Variants in TSC22D1 observed in about 807,000 individuals in gnomAD.
TSC22D1 encodes the protein TSC22 domain family member 1, also known as TSC22 domain family protein 1.
Under a neutral mutation model 74.2 loss-of-function variants are expected in TSC22D1, and 9 were observed. The observed-to-expected ratio is 0.12, with a 90% confidence interval of 0.07 to 0.21. The LOEUF is 0.21. Among genes scored for constraint, TSC22D1 ranks in the 10% least tolerant of loss-of-function variants. The probability of loss-of-function intolerance (pLI) is 1.00; values close to 1 mark genes in which losing one functional copy is unlikely to be tolerated. For missense variants in TSC22D1, 1,427 were observed against 1,304.7 expected (o/e 1.09, Z -1.44); for synonymous variants, 586 against 492.5 (o/e 1.19, Z -2.51).
intron 1 of TSC22D1, among the ~76,000 whole-genome samples, chr13:44,456,112 A>AC (rs1419917175): frequency 2.0e-5 from 3 of 152,202 alleles, no homozygotes; most frequent in Admixed American, 6.5e-5. Context: ...TCGCTGACTT[A>AC]AAGAATAAAG....
intron 1 of TSC22D1, chr13:44,537,050 A>G: frequency 1.0e-6 from 1 of 963,946 alleles, no homozygotes; most frequent in Non-Finnish European, 1.2e-6. Context: ...ATACTGTTGC[A>G]GTTTTCACTT....
Position 44,434,350 on chromosome 13 carries a change from T to G in TSC22D1, c.*276A>C. ...AGGCACACAGCTCCTGAGCATGAAT[T>G]AAACCATTTCTCAGATATCTGCCAA... On this transcript the variant is annotated 3_prime_UTR_variant, in exon 3 of 3. Transcript: ENST00000458659. The G allele has an allele frequency of 7.3e-7, 1 of 1,374,154 alleles. No homozygotes were observed. The highest frequency in any genetic ancestry group is 1.9e-5 in the South Asian group (1 of 53,588). 85.1% of individuals were successfully genotyped at this position (1,374,154 alleles called of 1,614,324 possible).
chr13:44,453,677 AG>A (rs1346146855), intron 1 of TSC22D1, among the ~76,000 whole-genome samples: 1 of 152,204 alleles, frequency 6.6e-6, no homozygotes, highest in Non-Finnish European at 1.5e-5. Flanking sequence ...GGCTATTTCT[AG>A]ACACCCCAGA....
At chr13:44,551,627 G>A (rs1327189338) in intron 1 of TSC22D1, among the ~76,000 whole-genome samples, 1 of 152,140 alleles carries the variant, frequency 6.6e-6, no homozygotes, top group Non-Finnish European at 1.5e-5. Flanking sequence ...CACCATGTTG[G>A]GCAGGCTGGT....
At position 44,432,756 on chromosome 13, in the gene TSC22D1, G is replaced by A. The variant is rs1595069990; in HGVS notation, c.*1870C>T. Reference sequence around the variant, plus strand: ...ACTTGGGATTGGTCCAATTCCTACTGGGCAGGGGGCCACTGCTGAGGCCCT... The same window carrying A: ...ACTTGGGATTGGTCCAATTCCTACTAGGCAGGGGGCCACTGCTGAGGCCCT... On this transcript the variant is annotated 3_prime_UTR_variant, in exon 3 of 3. Coordinates refer to ENST00000458659, the MANE Select transcript of TSC22D1 (RefSeq NM_183422.4). The A allele has an allele frequency of 6.6e-6, 1 of 152,180 alleles. No individual in the cohort carries two copies. The highest frequency in any genetic ancestry group is 1.5e-5 in the Non-Finnish European group (1 of 68,052). 9.4% of individuals were successfully genotyped at this position (152,180 alleles called of 1,614,324 possible).
intron 1 of TSC22D1, among the ~76,000 whole-genome samples, chr13:44,481,363 G>A (rs1164040920): frequency 6.6e-6 from 1 of 152,186 alleles, no homozygotes; most frequent in Non-Finnish European, 1.5e-5. Flanking sequence ...CAGGTAACTG[G>A]TGAGGGGTGG....
intron 1 of TSC22D1, among the ~76,000 whole-genome samples, chr13:44,440,033 C>T (rs1408123038): frequency 2.0e-5 from 3 of 152,142 alleles, no homozygotes; most frequent in Admixed American, 2.0e-4. Context: ...TAAGGACTCC[C>T]ACGTCACCTC....
intron 1 of TSC22D1, chr13:44,538,658 C>T: frequency 1.0e-6 from 1 of 985,320 alleles, no homozygotes; most frequent in Non-Finnish European, 1.2e-6. Context: ...ATTATTTGGG[C>T]CTTTCCATTT....
chr13:44,517,792 T>C (rs1431130290), intron 1 of TSC22D1, among the ~76,000 whole-genome samples: 2 of 127,116 alleles, frequency 1.6e-5, no homozygotes, highest in African/African-American at 5.8e-5. Context: ...TATATATACA[T>C]ATATATACAC....
At chr13:44,486,238 A>G (rs970899720) in intron 1 of TSC22D1, among the ~76,000 whole-genome samples, 2 of 152,120 alleles carry the variant, frequency 1.3e-5, no homozygotes, top group Non-Finnish European at 2.9e-5. Context: ...CCACTATATG[A>G]TATTTACAAG....
chr13:44,526,288 A>C (rs1443151525), intron 1 of TSC22D1, among the ~76,000 whole-genome samples: 2 of 152,192 alleles, frequency 1.3e-5, no homozygotes, highest in Non-Finnish European at 2.9e-5. Context: ...GAAAAAGTAG[A>C]GAACATGTTA....
rs77747018 is a variant in TSC22D1, at chr13:44,575,363, G to T, written c.712C>A (p.His238Asn). Residue 238 changes from histidine (H) to asparagine (N), a missense_variant, in exon 1 of 3, where the codon CAT becomes AAT. Physicochemically the swap from His to Asn is moderately conservative, Grantham distance 68. This residue lies in a region of TSC22D1 where 1,343 missense variants were observed against 1,191.5 expected (regional missense o/e 1.13). Coordinates refer to ENST00000458659, the MANE Select transcript of TSC22D1 (RefSeq NM_183422.4). ...HGHHLQHGHH[H>N]PSHVAVASAS... Reference sequence around the variant, plus strand: ...CTGGCCACAGCAACATGAGATGGATGGTGGTGACCATGTTGGAGGTGGTGC... The same window carrying T: ...CTGGCCACAGCAACATGAGATGGATTGTGGTGACCATGTTGGAGGTGGTGC... 6.2e-7 allele frequency: 1 copy of T among 1,614,168 alleles called. No individual in the cohort carries two copies. The highest frequency in any genetic ancestry group is 8.5e-7 in the Non-Finnish European group (1 of 1,180,016).
Position 44,574,360 on chromosome 13 carries a change from C to T in TSC22D1, c.1715G>A (p.Ser572Asn), listed in dbSNP as rs570565004. 6.2e-7 allele frequency: 1 copy of T among 1,614,248 alleles called. No homozygotes were observed. The highest frequency in any genetic ancestry group is 2.2e-5 in the East Asian group (1 of 44,892). Residue 572 changes from serine to asparagine, a missense_variant, in exon 1 of 3, where the codon AGT becomes AAT. Ser to Asn is a conservative substitution (Grantham distance 46). Coordinates refer to ENST00000458659, the MANE Select transcript of TSC22D1 (RefSeq NM_183422.4). ...CGATGGCTGGATACCAGTTGCAGCA[C>T]TCATAGTGGCTTGCAGAGGTACTGG... The part of the protein sequence containing the change: ...LQPVPLQATM[S>N]AATGIQPSPV...
chr13:44,466,200 C>T (rs368419660), intron 1 of TSC22D1, among the ~76,000 whole-genome samples: 1 of 152,064 alleles, frequency 6.6e-6, no homozygotes, highest in South Asian at 2.1e-4. Flanking sequence ...CTAGGATTTA[C>T]GATCCTCAAG....
chr13:44,437,020 C>CGTGGG (rs1295238817), intron 1 of TSC22D1: 7 of 977,422 alleles, frequency 7.2e-6, no homozygotes, highest in Admixed American at 6.1e-5. Flanking sequence ...AGATCCCGCT[C>CGTGGG]GTGGGGTGGG....
In TSC22D1 at chr13:44,574,126, T is replaced by C. The variant is rs1314138077; in HGVS notation, c.1949A>G (p.Gln650Arg). The C allele has an allele frequency of 6.2e-7, 1 of 1,614,246 alleles. No homozygotes were observed. Among genetic ancestry groups the C allele is most frequent in the Non-Finnish European group, 8.5e-7 (1 of 1,180,010 alleles). Residue 650 changes from glutamine (Q) to arginine (R), a missense_variant, in exon 1 of 3, where the codon CAA becomes CGA. Physicochemically the swap from Gln to Arg is conservative, Grantham distance 43. Transcript: ENST00000458659. ...MAPGHVKSVT[Q>R]NPASEYVQQQ... ...TTGTACATACTCTGAAGCAGGATTT[T>C]GAGTCACTGATTTGACATGGCCTGG...
At chr13:44,521,099 C>T (rs1277807148) in intron 1 of TSC22D1, among the ~76,000 whole-genome samples, 2 of 152,088 alleles carry the variant, frequency 1.3e-5, no homozygotes, top group Admixed American at 6.6e-5. Flanking sequence ...AAGCTCAGTG[C>T]GCTAAAAGAC....
At chr13:44,436,146 C>CG in intron 1 of TSC22D1, 51 bp from the exon 2 acceptor site, 1 of 1,583,144 alleles carries the variant, frequency 6.3e-7, no homozygotes, top group Non-Finnish European at 8.6e-7. Flanking sequence ...TTATCTTAAG[C>CG]TTCCAAGATA....
At chr13:44,567,773 G>C (rs1883480232) in intron 1 of TSC22D1, among the ~76,000 whole-genome samples, 1 of 151,990 alleles carries the variant, frequency 6.6e-6, no homozygotes, top group Non-Finnish European at 1.5e-5. Flanking sequence ...AAAATAGAAA[G>C]ACATAATCAA....
Sources: allele counts gnomAD v4.1 joint callset (sites outside exome capture counted in the v4.1 genomes callset), GRCh38; gene constraint gnomAD v4.1.1; regional missense constraint gnomAD v4.1.1; transcripts MANE v1.5; gene names NCBI Gene and HGNC (gene_info 2026-07-23, HGNC 2026-07-21).